The following PCDHGA3 variants were observed in gnomAD, a reference collection of about 807,000 sequenced individuals.
PCDHGA3 encodes the protein protocadherin gamma subfamily A, 3, also known as protocadherin gamma-A3.
In PCDHGA3, 40 loss-of-function variants were observed where a neutral mutation model predicts 58.5. The observed-to-expected ratio is 0.68, with a 90% confidence interval of 0.53 to 0.89. PCDHGA3 has a LOEUF of 0.89. Among genes scored for constraint, PCDHGA3 ranks in the 40% least tolerant of loss-of-function variants. The probability of loss-of-function intolerance (pLI) is 0.00; values close to 1 mark genes in which losing one functional copy is unlikely to be tolerated. For synonymous variants in PCDHGA3, 530 were observed against 525.7 expected (o/e 1.01, Z -0.11); for missense variants, 1,223 against 1,195.9 (o/e 1.02, Z -0.33).
intron 1 of PCDHGA3, chr5:141,404,248 G>T (rs1404333144): frequency 6.2e-7 from 1 of 1,613,694 alleles, no homozygotes; most frequent in South Asian, 1.1e-5. Flanking sequence ...CTCCGCCCCT[G>T]TCCACAGAAA....
At chr5:141,457,522 G>A (rs1200640017) in intron 1 of PCDHGA3, among the ~76,000 whole-genome samples, 1 of 152,188 alleles carries the variant, frequency 6.6e-6, no homozygotes, top group Non-Finnish European at 1.5e-5. Flanking sequence ...AACAATTAAT[G>A]AGACTAGGGT....
chr5:141,501,453 C>T (rs567794395), intron 2 of PCDHGA3, among the ~76,000 whole-genome samples: 1 of 152,094 alleles, frequency 6.6e-6, no homozygotes, highest in Non-Finnish European at 1.5e-5. Flanking sequence ...TTTTACTTTT[C>T]ACTATTCCCC....
chr5:141,359,651 G>A (rs1761279530), intron 1 of PCDHGA3, among the ~76,000 whole-genome samples: 1 of 152,024 alleles, frequency 6.6e-6, no homozygotes, highest in Non-Finnish European at 1.5e-5. Flanking sequence ...GAAGGAGACA[G>A]AATATTTATA....
In PCDHGA3 at chr5:141,413,416, C is replaced by G. The variant is rs893515703; in HGVS notation, c.2424+66959C>G. ...CAGAGGTAGGACGCAGCTTTTCTCT[C>G]TGAACCCGCGCAGCGGCAGCTTGAT... On this transcript the variant is annotated intron_variant, in intron 1 of 3. Transcript: ENST00000253812. 1 of 1,614,100 alleles carries G rather than the reference C, an allele frequency of 6.2e-7. No individual in the cohort carries two copies. Among genetic ancestry groups the G allele is most frequent in the Admixed American group, 1.7e-5 (1 of 60,034 alleles).
chr5:141,377,009 G>A (rs1392243564), intron 1 of PCDHGA3: 2 of 155,212 alleles, frequency 1.3e-5, no homozygotes, highest in Non-Finnish European at 2.9e-5. Flanking sequence ...TTTATTGGTT[G>A]ACAGGAAAAT....
rs911594122 is a variant in PCDHGA3, at chr5:141,383,374, G to C, written c.2424+36917G>C. On this transcript the variant is annotated intron_variant, in intron 1 of 3. Transcript: ENST00000253812. ...TCGGTTTCCGTTAAGCGAGGCTGGGGATCCAGATGTGGGCACGAACTCCCT... is the reference window on the plus strand; with the variant it reads ...TCGGTTTCCGTTAAGCGAGGCTGGGCATCCAGATGTGGGCACGAACTCCCT... 1.2e-6 allele frequency: 2 copies of C among 1,613,910 alleles called. No homozygotes were observed. The highest frequency in any genetic ancestry group is 2.7e-5 in the African/African-American group (2 of 74,936).
At chr5:141,375,511 A>G (rs372798366) in intron 1 of PCDHGA3, 69 of 1,613,842 alleles carry the variant, frequency 4.3e-5, no homozygotes, top group Non-Finnish European at 5.4e-5. Flanking sequence ...CTGTGAATGC[A>G]CTGGACCCTG....
chr5:141,346,818 C>T (rs1757810674), intron 1 of PCDHGA3, among the ~76,000 whole-genome samples: 3 of 152,174 alleles, frequency 2.0e-5, no homozygotes, highest in African/African-American at 7.2e-5. Context: ...GGTTTGTATA[C>T]CTGTGATAAA....
intron 1 of PCDHGA3, among the ~76,000 whole-genome samples, chr5:141,434,935 T>C (rs952530533): frequency 6.6e-6 from 1 of 151,788 alleles, no homozygotes; most frequent in Non-Finnish European, 1.5e-5. Flanking sequence ...TTTTATATAA[T>C]AGATATAATT....
intron 1 of PCDHGA3, among the ~76,000 whole-genome samples, chr5:141,446,868 C>T (rs980547855): frequency 6.6e-6 from 1 of 152,160 alleles, no homozygotes; most frequent in Non-Finnish European, 1.5e-5. Flanking sequence ...TAGCTCTACA[C>T]TGGTATGTTT....
chr5:141,505,558 C>A (rs945428797), intron 3 of PCDHGA3, 77 bp downstream of exon 3: 1 of 1,605,016 alleles, frequency 6.2e-7, no homozygotes, highest in African/African-American at 1.3e-5. Context: ...ACCATGCCCA[C>A]GGACTGGATG....
intron 1 of PCDHGA3, among the ~76,000 whole-genome samples, chr5:141,467,790 C>T (rs1321576171): frequency 6.6e-6 from 1 of 152,118 alleles, no homozygotes; most frequent in Non-Finnish European, 1.5e-5. Context: ...TCTCAAGTAG[C>T]TGGGACTACA....
chr5:141,407,847 T>C (rs1236964962), intron 1 of PCDHGA3, among the ~76,000 whole-genome samples: 2 of 152,224 alleles, frequency 1.3e-5, no homozygotes, highest in African/African-American at 4.8e-5. Context: ...TTGAGGGGGA[T>C]GTACACCTGC....
intron 1 of PCDHGA3, among the ~76,000 whole-genome samples, chr5:141,462,361 T>C (rs1354253099): frequency 6.6e-6 from 1 of 152,282 alleles, no homozygotes; most frequent in Non-Finnish European, 1.5e-5. Flanking sequence ...ATACATTGTA[T>C]AGTTTCTATT....
intron 1 of PCDHGA3, chr5:141,430,515 G>A (rs1016446331): frequency 2.1e-5 from 7 of 340,180 alleles, no homozygotes; most frequent in Admixed American, 1.8e-4. Flanking sequence ...TCAAGATTGT[G>A]CAGTAATTGG....
intron 1 of PCDHGA3, chr5:141,484,904 C>A: frequency 2.5e-6 from 1 of 405,682 alleles, no homozygotes; most frequent in Non-Finnish European, 4.4e-6. Context: ...TCCAATGCTG[C>A]GACGCATTAA....
At chr5:141,401,016 A>G (rs910501602) in intron 1 of PCDHGA3, among the ~76,000 whole-genome samples, 2 of 152,182 alleles carry the variant, frequency 1.3e-5, no homozygotes, top group Admixed American at 6.5e-5. Context: ...TAATGGATTT[A>G]TGATTTTTTG....
At chr5:141,402,353 GA>G (rs1261209598) in intron 1 of PCDHGA3, among the ~76,000 whole-genome samples, 2 of 151,844 alleles carry the variant, frequency 1.3e-5, no homozygotes, top group Non-Finnish European at 2.9e-5. Context: ...AATTAAAAAT[GA>G]ATGTACTTCC....
chr5:141,484,867 G>C lies in PCDHGA3; in HGVS notation c.2425-9940G>C, dbSNP rs573580017. The C allele has an allele frequency of 1.8e-5, 5 of 282,560 alleles. No homozygotes were observed. The Admixed American group carries it at 1.9e-4, about 11-fold the overall frequency. The allele number at this position is 282,560 out of a possible 1,614,324, so 17.5% of individuals were successfully genotyped here. A position where few individuals can be genotyped will look rare whatever the true frequency, so the allele number is the denominator to read the frequency against. ...TGGGTTTTTTGGGGGGTGGGGGAGC[G>C]TGGAGGATAGGGTGGGCTTTTTCCC... On this transcript the variant is annotated intron_variant, in intron 1 of 3. Coordinates refer to ENST00000253812, the MANE Select transcript of PCDHGA3 (RefSeq NM_018916.4).
Sources: allele counts gnomAD v4.1 joint callset (sites outside exome capture counted in the v4.1 genomes callset), GRCh38; gene constraint gnomAD v4.1.1; transcripts MANE v1.5; gene names NCBI Gene and HGNC (gene_info 2026-07-23, HGNC 2026-07-21).